The following MYRIP variants were observed in gnomAD, a reference collection of about 807,000 sequenced individuals.
MYRIP encodes rab effector MyRIP.
Under a neutral mutation model 98.0 loss-of-function variants are expected in MYRIP, and 49 were observed. That is an observed-to-expected ratio of 0.50 (90% CI 0.40 to 0.63). The LOEUF is 0.63. Ranked by LOEUF, MYRIP falls within the 30% of genes least tolerant of loss-of-function variation. The pLI is 0.00. For synonymous variants in MYRIP, 404 were observed against 409.5 expected, an observed-to-expected ratio of 0.99 and a Z score of 0.16; for missense variants, 1,004 against 1,058.2, an observed-to-expected ratio of 0.95 and a Z score of 0.71.
chr3:39,905,592 T>C (rs1943858677), intron 2 of MYRIP, among the ~76,000 whole-genome samples: 1 of 152,194 alleles, frequency 6.6e-6, no homozygotes, highest in Non-Finnish European at 1.5e-5. Flanking sequence ...TTTACCTCTT[T>C]ACCTCCTTCT....
intron 10 of MYRIP, among the ~76,000 whole-genome samples, chr3:40,195,281 T>C (rs1462030540): frequency 2.6e-5 from 4 of 152,186 alleles, no homozygotes; most frequent in Admixed American, 2.6e-4. Flanking sequence ...AGACTTTTTC[T>C]TTTTTATTTT....
At chr3:40,042,950 C>G (rs1947574914) in intron 2 of MYRIP, among the ~76,000 whole-genome samples, 1 of 152,192 alleles carries the variant, frequency 6.6e-6, no homozygotes, top group Non-Finnish European at 1.5e-5. Flanking sequence ...CATAGTCCAC[C>G]ATAGAATATC....
intron 2 of MYRIP, among the ~76,000 whole-genome samples, chr3:40,017,479 C>G (rs35831317): frequency 0.036 from 5,455 of 151,988 alleles, 296 homozygotes; most frequent in African/African-American, 0.12. Flanking sequence ...GTTCTCAAAC[C>G]CAACCCAGCT....
chr3:40,247,334 A>C (rs1953237445), intron 13 of MYRIP, among the ~76,000 whole-genome samples: 1 of 152,110 alleles, frequency 6.6e-6, no homozygotes, highest in African/African-American at 2.4e-5. Context: ...ATGTTCTGTG[A>C]GCGTTATTTT....
At chr3:40,004,046 C>G (rs1946580223) in intron 2 of MYRIP, among the ~76,000 whole-genome samples, 1 of 152,132 alleles carries the variant, frequency 6.6e-6, no homozygotes, top group African/African-American at 2.4e-5. Context: ...GGGCCCCTGC[C>G]CCTTGAAAAC....
chr3:40,212,273 G>T lies in MYRIP; in HGVS notation c.1905+2180G>T, dbSNP rs189686683. Among the ~76,000 whole-genome samples, 1,333 of 133,650 alleles carry T rather than the reference G, an allele frequency of 1.0e-2. 84 individuals carry two copies. The highest frequency in any genetic ancestry group is 0.03 in the African/African-American group (1,147 of 38,110). The allele number at this position is 133,650 out of a possible 152,430, so 87.7% of individuals were successfully genotyped here. A position where few individuals can be genotyped will look rare whatever the true frequency, so the allele number is the denominator to read the frequency against. ...ATATATATATACACGTATATATATA[G>T]AGAGAGAGCGCCATATAGACTATAT... is the stretch of plus-strand genomic sequence containing the variant. On this transcript the variant is annotated intron_variant, in intron 11 of 16. Transcript: ENST00000302541.
At chr3:39,980,798 A>T (rs746774220) in intron 2 of MYRIP, among the ~76,000 whole-genome samples, 1 of 152,200 alleles carries the variant, frequency 6.6e-6, no homozygotes, top group Non-Finnish European at 1.5e-5. Flanking sequence ...ATTTTCTTAC[A>T]TTTTTATTCA....
At chr3:40,030,327 A>C (rs192254134) in intron 2 of MYRIP, among the ~76,000 whole-genome samples, 2 of 152,114 alleles carry the variant, frequency 1.3e-5, no homozygotes, top group Non-Finnish European at 1.5e-5. Flanking sequence ...GTAATTTTTT[A>C]AAATGCAGAC....
chr3:39,931,327 G>T (rs368958939), intron 2 of MYRIP, among the ~76,000 whole-genome samples: 1 of 149,698 alleles, frequency 6.7e-6, no homozygotes, highest in Non-Finnish European at 1.5e-5. Context: ...TTACCATTTT[G>T]GCTTGTTCAT....
intron 9 of MYRIP, among the ~76,000 whole-genome samples, chr3:40,184,056 C>T (rs1189929816): frequency 6.6e-6 from 1 of 152,178 alleles, no homozygotes; most frequent in Non-Finnish European, 1.5e-5. Context: ...AGCATGTGAT[C>T]GTTTCTTTAC....
intron 2 of MYRIP, among the ~76,000 whole-genome samples, chr3:40,017,162 C>T (rs1946881103): frequency 6.6e-6 from 1 of 152,158 alleles, no homozygotes; most frequent in African/African-American, 2.4e-5. Flanking sequence ...TTAAGCAAAG[C>T]CAAATGCAAG....
intron 10 of MYRIP, among the ~76,000 whole-genome samples, chr3:40,200,839 C>T (rs1951538270): frequency 1.3e-5 from 2 of 152,170 alleles, no homozygotes; most frequent in South Asian, 4.1e-4. Flanking sequence ...CCTGCTGACC[C>T]TGACTCTCAC....
intron 3 of MYRIP, among the ~76,000 whole-genome samples, chr3:40,140,485 G>A (rs1949867990): frequency 6.6e-6 from 1 of 152,140 alleles, no homozygotes; most frequent in Admixed American, 6.5e-5. Context: ...TCCCAGTAGT[G>A]GGATTTCTGA....
intron 1 of MYRIP, among the ~76,000 whole-genome samples, chr3:39,870,277 A>T (rs1942746744): frequency 6.6e-6 from 1 of 152,236 alleles, no homozygotes; most frequent in Non-Finnish European, 1.5e-5. Flanking sequence ...GACCTGACAC[A>T]GACTGAATAA....
intron 2 of MYRIP, among the ~76,000 whole-genome samples, chr3:40,032,158 G>C (rs1947275922): frequency 6.6e-6 from 1 of 151,970 alleles, no homozygotes; most frequent in Admixed American, 6.6e-5. Flanking sequence ...ACACTGCTTT[G>C]AATGTGTCCC....
At chr3:39,955,960 T>C (rs144643166) in intron 2 of MYRIP, among the ~76,000 whole-genome samples, 121 of 152,230 alleles carry the variant, frequency 7.9e-4, no homozygotes, top group Non-Finnish European at 1.4e-3. Flanking sequence ...AAGAGATCAA[T>C]TCCACAAGAA....
At chr3:40,159,971 A>G (rs975482941) in intron 4 of MYRIP, among the ~76,000 whole-genome samples, 6 of 152,102 alleles carry the variant, frequency 3.9e-5, no homozygotes, top group African/African-American at 1.4e-4. Context: ...TAATTTGATC[A>G]TCTGAAGCCT....
intron 2 of MYRIP, among the ~76,000 whole-genome samples, chr3:40,006,513 G>A (rs548570350): frequency 1.8e-4 from 28 of 152,314 alleles, no homozygotes; most frequent in African/African-American, 6.3e-4. Context: ...GACCTGGATG[G>A]ACTATGGCAG....
chr3:40,119,669 C>A lies in MYRIP; in HGVS notation c.333-31379C>A, dbSNP rs530053633. Reference sequence around the variant, plus strand: ...CATTCTCAGTAAACTATCACAAGGACAAAAAACCAAACACCACATGTTCTC... The same window carrying A: ...CATTCTCAGTAAACTATCACAAGGAAAAAAAACCAAACACCACATGTTCTC... On this transcript the variant is annotated intron_variant, in intron 3 of 16. Transcript: ENST00000302541. Among the ~76,000 whole-genome samples, 280 of 151,606 alleles carry A rather than the reference C, an allele frequency of 1.8e-3. 1 individual carries two copies. The highest frequency in any genetic ancestry group is 6.5e-3 in the African/African-American group (268 of 41,324).
Sources: allele counts gnomAD v4.1 joint callset (sites outside exome capture counted in the v4.1 genomes callset), GRCh38; gene constraint gnomAD v4.1.1; transcripts MANE v1.5; gene names NCBI Gene and HGNC (gene_info 2026-07-23, HGNC 2026-07-21).